Variants in JAK1 observed in about 807,000 individuals in gnomAD.
The protein encoded by JAK1 is Janus kinase 1, also known as tyrosine-protein kinase JAK1.
Under a neutral mutation model 136.6 loss-of-function variants are expected in JAK1, and 16 were observed. The ratio of observed to expected loss-of-function variants is 0.12; its 90% CI spans 0.08 to 0.18. The LOEUF (loss-of-function observed/expected upper bound fraction) is 0.18, where lower values mean the gene tolerates loss of function less well. JAK1 is among the 10% of genes least tolerant of loss of function. The pLI, the probability that JAK1 is intolerant of heterozygous loss-of-function variation, is 1.00. For missense variants in JAK1, 859 were observed against 1,450.1 expected, an observed-to-expected ratio of 0.59 and a Z score of 6.62; for synonymous variants, 492 against 519.5, an observed-to-expected ratio of 0.95 and a Z score of 0.72.
chr1:65,016,503 T>A (rs1320516292), intron 2 of JAK1, among the ~76,000 whole-genome samples: 1 of 152,036 alleles, frequency 6.6e-6, no homozygotes, highest in Non-Finnish European at 1.5e-5. Context: ...GCGCCTGTAG[T>A]CCCAACTACT....
At chr1:64,880,889 G>T (rs561848899) in intron 3 of JAK1, among the ~76,000 whole-genome samples, 1 of 152,256 alleles carries the variant, frequency 6.6e-6, no homozygotes, top group Admixed American at 6.5e-5. Context: ...GGAGGTAGTA[G>T]TGAGCCAAGA....
At chr1:64,878,603 A>ATATATG (rs1557658058) in intron 4 of JAK1, among the ~76,000 whole-genome samples, 1 of 110,150 alleles carries the variant, frequency 9.1e-6, no homozygotes, top group African/African-American at 3.5e-5. Context: ...ATATATATAT[A>ATATATG]TATCTCAAAA....
intron 3 of JAK1, among the ~76,000 whole-genome samples, chr1:64,881,081 C>G (rs1644765430): frequency 6.6e-6 from 1 of 151,882 alleles, no homozygotes; most frequent in African/African-American, 2.4e-5. Flanking sequence ...CCAGCCTGGG[C>G]AACATATCAA....
At chr1:65,044,648 T>C (rs1267963293) in intron 1 of JAK1, among the ~76,000 whole-genome samples, 1 of 152,128 alleles carries the variant, frequency 6.6e-6, no homozygotes, top group Admixed American at 6.5e-5. Flanking sequence ...GTAGTTCCAA[T>C]TTGGTCTTGT....
chr1:64,967,605 G>A (rs1226483905), upstream of JAK1, among the ~76,000 whole-genome samples: 1 of 152,198 alleles, frequency 6.6e-6, no homozygotes, highest in African/African-American at 2.4e-5. Flanking sequence ...CTGCTGGACA[G>A]TTCCTGATCA....
chr1:64,864,417 C>CT (rs1413036366), intron 8 of JAK1, among the ~76,000 whole-genome samples: 16 of 152,260 alleles, frequency 1.1e-4, no homozygotes, highest in Non-Finnish European at 2.1e-4. Flanking sequence ...GGGCTTCCTG[C>CT]TTTGCACTTC....
At chr1:64,931,312 T>C (rs1645687351) in intron 1 of JAK1, among the ~76,000 whole-genome samples, 1 of 152,140 alleles carries the variant, frequency 6.6e-6, no homozygotes, top group Non-Finnish European at 1.5e-5. Context: ...CTGGATTACC[T>C]GCTCATCCTT....
At chr1:64,980,470 GC>G (rs1204027712) in intron 2 of JAK1, among the ~76,000 whole-genome samples, 1 of 150,364 alleles carries the variant, frequency 6.7e-6, no homozygotes, top group African/African-American at 2.4e-5. Context: ...ATTGCAGATT[GC>G]CCCCCAAAAT....
chr1:64,893,037 G>C (rs1460464735), intron 1 of JAK1, among the ~76,000 whole-genome samples: 2 of 152,220 alleles, frequency 1.3e-5, no homozygotes, highest in African/African-American at 4.8e-5. Context: ...AGGACACAAG[G>C]GCCATGCTTT....
chr1:64,973,185 GAAAA>G (rs1477535990), intron 2 of JAK1: 4 of 107,880 alleles, frequency 3.7e-5, no homozygotes, highest in African/African-American at 4.5e-5. Flanking sequence ...AAGAAAGAAA[GAAAA>G]AGAAAGAAAG....
At position 64,860,272 on chromosome 1, in the gene JAK1, G is replaced by A. The variant is rs762224173; in HGVS notation, c.1177-10C>T. On this transcript the variant is annotated splice_polypyrimidine_tract_variant and intron_variant, in intron 8 of 24. Coordinates refer to ENST00000342505, the MANE Select transcript of JAK1 (RefSeq NM_002227.4). Reference sequence around the variant, plus strand: ...AAGAGAGCTTCAGTTCCTGTTGAGAGAGAAGAAATTCCCACGGTTACATCA... The same window carrying A: ...AAGAGAGCTTCAGTTCCTGTTGAGAAAGAAGAAATTCCCACGGTTACATCA... 6.3e-7 allele frequency: 1 copy of A among 1,597,482 alleles called. No homozygotes were observed. The highest frequency in any genetic ancestry group is 8.5e-7 in the Non-Finnish European group (1 of 1,170,114).
At chr1:64,926,354 C>T (rs1210529098) in intron 1 of JAK1, among the ~76,000 whole-genome samples, 1 of 151,052 alleles carries the variant, frequency 6.6e-6, no homozygotes, top group Non-Finnish European at 1.5e-5. Flanking sequence ...CCAGACTCAA[C>T]AGCAGGATCC....
intron 1 of JAK1, among the ~76,000 whole-genome samples, chr1:64,956,232 G>C (rs935133260): frequency 1.3e-5 from 2 of 152,180 alleles, no homozygotes; most frequent in Non-Finnish European, 2.9e-5. Context: ...CAGGGTGGTG[G>C]ATAGAGACGG....
intron 2 of JAK1, among the ~76,000 whole-genome samples, chr1:65,043,798 C>T (rs1261801255): frequency 6.7e-6 from 1 of 150,306 alleles, no homozygotes; most frequent in Non-Finnish European, 1.5e-5. Flanking sequence ...TCGCAGCTCA[C>T]TGCAACCTCC....
upstream of JAK1, among the ~76,000 whole-genome samples, chr1:64,970,134 CAAAA>C (rs1232133832): frequency 8.1e-5 from 4 of 49,502 alleles, 1 homozygote; most frequent in African/African-American, 1.1e-4. Context: ...GACCCTGTCT[CAAAA>C]AAAAAAAAAA....
At chr1:64,988,926 A>G (rs1021364021) in intron 2 of JAK1, among the ~76,000 whole-genome samples, 1 of 146,974 alleles carries the variant, frequency 6.8e-6, no homozygotes, top group African/African-American at 2.5e-5. Flanking sequence ...ATATGTATGT[A>G]TGTGTATATA....
At chr1:64,994,019 C>T (rs1489144940) in intron 2 of JAK1, among the ~76,000 whole-genome samples, 1 of 152,174 alleles carries the variant, frequency 6.6e-6, no homozygotes, top group African/African-American at 2.4e-5. Flanking sequence ...CAGTTTACTA[C>T]AGCCTCAACC....
rs1410530588 is a variant in JAK1 at position 65,052,629 on chromosome 1, C to T, written c.-180-8047G>A. On this transcript the variant is annotated intron_variant, in intron 1 of 25. Transcript: ENST00000671954. ...GAGATCGAGACCATCCTGGCTAACACGATGAAATCCCATCTCTACTAAAAA... is the reference window on the plus strand; with the variant it reads ...GAGATCGAGACCATCCTGGCTAACATGATGAAATCCCATCTCTACTAAAAA... Among the ~76,000 whole-genome samples the T allele has an allele frequency of 1.3e-4, 19 of 151,986 alleles. No individual in the cohort carries two copies. The East Asian group carries it at 3.1e-3, about 25-fold the overall frequency.
chr1:64,873,314 T>C, intron 5 of JAK1, 56 bp downstream of exon 5: 3 of 1,606,368 alleles, frequency 1.9e-6, no homozygotes, highest in Non-Finnish European at 2.6e-6. Flanking sequence ...GTCTGAGCTC[T>C]ACAATGCCTC....
Sources: allele counts gnomAD v4.1 joint callset (sites outside exome capture counted in the v4.1 genomes callset), GRCh38; gene constraint gnomAD v4.1.1; transcripts MANE v1.5; gene names NCBI Gene and HGNC (gene_info 2026-07-23, HGNC 2026-07-21).